Variants in ZFAND3 observed in about 807,000 individuals in gnomAD.
ZFAND3 encodes the protein zinc finger AN1-type containing 3, also known as AN1-type zinc finger protein 3.
In ZFAND3, 10 loss-of-function variants were observed where a neutral mutation model predicts 29.6. The observed-to-expected ratio is 0.34, with a 90% confidence interval of 0.21 to 0.57. The LOEUF (loss-of-function observed/expected upper bound fraction) is 0.57, where lower values mean the gene tolerates loss of function less well. ZFAND3 is among the 20% of genes least tolerant of loss of function. The pLI, the probability that ZFAND3 is intolerant of heterozygous loss-of-function variation, is 0.86. For synonymous variants in ZFAND3, 128 were observed against 112.6 expected, an observed-to-expected ratio of 1.14 and a Z score of -0.87; for missense variants, 230 against 304.5, an observed-to-expected ratio of 0.76 and a Z score of 1.82.
intron 3 of ZFAND3, among the ~76,000 whole-genome samples, chr6:38,079,745 A>G (rs552572892): frequency 3.3e-5 from 5 of 152,292 alleles, no homozygotes; most frequent in Middle Eastern, 3.4e-3. Context: ...AGGGGTAATC[A>G]GAAATTAGAA....
At chr6:38,041,746 T>C (rs1263998955) in intron 2 of ZFAND3, among the ~76,000 whole-genome samples, 30 of 1,656 alleles carry the variant, frequency 0.018, 11 homozygotes, top group Admixed American at 0.077. Context: ...CTCCTCCTCC[T>C]CCTCCTCCTC....
At chr6:37,899,558 T>C (rs952384279) in intron 1 of ZFAND3, among the ~76,000 whole-genome samples, 3 of 152,214 alleles carry the variant, frequency 2.0e-5, no homozygotes, top group Non-Finnish European at 4.4e-5. Context: ...CCAATTTAGA[T>C]GTATATTTGT....
rs561914971 is a variant in ZFAND3, at chr6:37,984,347, A to G, written c.112+54348A>G. 3.9e-5 allele frequency among the ~76,000 whole-genome samples: 6 copies of G among 152,352 alleles called. No homozygotes were observed. The East Asian group carries it at 1.2e-3, about 29-fold the overall frequency. On this transcript the variant is annotated intron_variant, in intron 2 of 5. Coordinates refer to ENST00000287218, the MANE Select transcript of ZFAND3 (RefSeq NM_021943.3). ...ATGAACTAAGTGTTAAGAGCTTTAA[A>G]GGTAAAACTGTCCAGGTTTCCCGTT...
intron 2 of ZFAND3, among the ~76,000 whole-genome samples, chr6:37,973,974 G>A (rs185803036): frequency 6.6e-6 from 1 of 152,174 alleles, no homozygotes; most frequent in East Asian, 1.9e-4. Flanking sequence ...TTGCCTATCT[G>A]CAGGAAAATA....
chr6:38,149,544 G>A (rs1425558479), intron 5 of ZFAND3, among the ~76,000 whole-genome samples: 1 of 152,112 alleles, frequency 6.6e-6, no homozygotes, highest in Non-Finnish European at 1.5e-5. Flanking sequence ...GAGGGTAGAG[G>A]GAGTATCAGG....
intron 2 of ZFAND3, among the ~76,000 whole-genome samples, chr6:37,997,390 A>G (rs571021720): frequency 2.2e-4 from 33 of 152,336 alleles, no homozygotes; most frequent in African/African-American, 6.7e-4. Flanking sequence ...ATGATAGAAG[A>G]GGGTTAAGGA....
At chr6:37,861,274 A>T (rs1478594299) in intron 1 of ZFAND3, among the ~76,000 whole-genome samples, 1 of 152,152 alleles carries the variant, frequency 6.6e-6, no homozygotes, top group Non-Finnish European at 1.5e-5. Context: ...AAAAATAAAA[A>T]AATAGCATGA....
intron 1 of ZFAND3, among the ~76,000 whole-genome samples, chr6:37,836,182 C>T (rs779381041): frequency 2.6e-5 from 4 of 152,090 alleles, no homozygotes; most frequent in Non-Finnish European, 5.9e-5. Context: ...AGAATCACTT[C>T]GGGAGTCTTT....
chr6:37,854,236 C>T (rs1280547097), intron 1 of ZFAND3, among the ~76,000 whole-genome samples: 2 of 152,190 alleles, frequency 1.3e-5, no homozygotes, highest in African/African-American at 4.8e-5. Context: ...CAAGCGTGAT[C>T]CACTGCGCCC....
chr6:37,984,434 A>T (rs1762630699), intron 2 of ZFAND3, among the ~76,000 whole-genome samples: 1 of 152,240 alleles, frequency 6.6e-6, no homozygotes, highest in South Asian at 2.1e-4. Context: ...ATGGGGGCTC[A>T]GATGTGCAGT....
chr6:38,089,852 G>C (rs556113805), intron 4 of ZFAND3, among the ~76,000 whole-genome samples: 1 of 152,180 alleles, frequency 6.6e-6, no homozygotes, highest in South Asian at 2.1e-4. Flanking sequence ...TCTGCTCTGT[G>C]AAGTTTTGTT....
chr6:38,063,086 T>TC (rs1449272959), intron 3 of ZFAND3, among the ~76,000 whole-genome samples: 1 of 152,180 alleles, frequency 6.6e-6, no homozygotes, highest in Non-Finnish European at 1.5e-5. Context: ...GCCTTTTTTT[T>TC]CTTTGAAAGC....
intron 1 of ZFAND3, among the ~76,000 whole-genome samples, chr6:37,914,887 AGCCTTT>A (rs1202763496): frequency 2.3e-4 from 33 of 143,206 alleles, no homozygotes. Flanking sequence ...CAGCTGCCTT[AGCCTTT>A]AACAAGAGAA....
At chr6:37,879,256 A>C (rs1373875442) in intron 1 of ZFAND3, among the ~76,000 whole-genome samples, 1 of 152,184 alleles carries the variant, frequency 6.6e-6, no homozygotes, top group South Asian at 2.1e-4. Context: ...GGGATGCTTA[A>C]TATCACTTCT....
chr6:37,843,205 G>A (rs901215656), intron 1 of ZFAND3, among the ~76,000 whole-genome samples: 1 of 151,004 alleles, frequency 6.6e-6, no homozygotes, highest in Non-Finnish European at 1.5e-5. Flanking sequence ...AGTGTTCCTG[G>A]CTGAGTGTGG....
chr6:37,893,284 C>T (rs1765136440), intron 1 of ZFAND3, among the ~76,000 whole-genome samples: 1 of 152,130 alleles, frequency 6.6e-6, no homozygotes, highest in African/African-American at 2.4e-5. Flanking sequence ...GTTGGTTTAA[C>T]ATCTGAAAAT....
At chr6:38,073,688 G>C (rs1218106663) in intron 3 of ZFAND3, among the ~76,000 whole-genome samples, 1 of 152,184 alleles carries the variant, frequency 6.6e-6, no homozygotes, top group Non-Finnish European at 1.5e-5. Context: ...GTTAATCGCT[G>C]TTGGACTTTA....
intron 4 of ZFAND3, among the ~76,000 whole-genome samples, chr6:38,091,203 A>G (rs899086434): frequency 1.3e-5 from 2 of 152,158 alleles, no homozygotes; most frequent in Non-Finnish European, 2.9e-5. Flanking sequence ...GTGTGTGTGT[A>G]AGAAGTCCAG....
chr6:37,833,341 C>G (rs1001859437), intron 1 of ZFAND3, among the ~76,000 whole-genome samples: 7 of 152,138 alleles, frequency 4.6e-5, no homozygotes, highest in Admixed American at 6.5e-5. Context: ...TTCCGGCCCC[C>G]AAGAATCCCT....
Sources: allele counts gnomAD v4.1 joint callset (sites outside exome capture counted in the v4.1 genomes callset), GRCh38; gene constraint gnomAD v4.1.1; transcripts MANE v1.5; gene names NCBI Gene and HGNC (gene_info 2026-07-23, HGNC 2026-07-21).